TTC7B: variants seen among roughly 807,000 people sequenced by gnomAD.
The protein encoded by TTC7B is tetratricopeptide repeat protein 7B.
In TTC7B, 28 loss-of-function variants were observed where a neutral mutation model predicts 106.8. The ratio of observed to expected loss-of-function variants is 0.26; its 90% CI spans 0.19 to 0.36. TTC7B has a LOEUF of 0.36. Among genes scored for constraint, TTC7B ranks in the 10% least tolerant of loss-of-function variants. TTC7B has a pLI of 1.00. For synonymous variants in TTC7B, 405 were observed against 430.6 expected, an observed-to-expected ratio of 0.94 and a Z score of 0.74; for missense variants, 862 against 1,076.4, an observed-to-expected ratio of 0.80 and a Z score of 2.79.
At chr14:90,602,129 A>G (rs993085631) in intron 17 of TTC7B, 2 of 455,990 alleles carry the variant, frequency 4.4e-6, no homozygotes, top group Non-Finnish European at 8.8e-6. Flanking sequence ...CTAAAGGCTC[A>G]GGTCATTCAA....
rs563752581 is a variant in TTC7B, at chr14:90,600,580, C to T, written c.1967-6954G>A. 7.9e-5 allele frequency among the ~76,000 whole-genome samples: 12 copies of T among 152,308 alleles called. No individual in the cohort carries two copies. Among genetic ancestry groups the T allele is most frequent in the African/African-American group, 2.2e-4 (9 of 41,558 alleles). ...CTGACTTTAACATAATATCAAGCACCGTTTAAACCTGACAGCACACGTCTT... is the reference window on the plus strand; with the variant it reads ...CTGACTTTAACATAATATCAAGCACTGTTTAAACCTGACAGCACACGTCTT... On this transcript the variant is annotated intron_variant, in intron 17 of 19. Coordinates refer to ENST00000328459, the MANE Select transcript of TTC7B (RefSeq NM_001010854.2). This position sits in a 1 kb window ranked among gnomAD's most constrained non-coding sequence, Gnocchi z 4.3.
chr14:90,708,145 C>CAAAAAAA (rs56260414), intron 5 of TTC7B, among the ~76,000 whole-genome samples: 1 of 61,306 alleles, frequency 1.6e-5, no homozygotes, highest in Admixed American at 2.0e-4. Flanking sequence ...GACTCCATCT[C>CAAAAAAA]AAAAAAAAAA....
At chr14:90,618,189 C>A (rs763618443) in intron 15 of TTC7B, 144 bp from the exon 16 acceptor site, 17 of 600,924 alleles carry the variant, frequency 2.8e-5, no homozygotes, top group Non-Finnish European at 5.0e-5. Flanking sequence ...CCAAGGAAAG[C>A]GGGATTCCAG....
intron 11 of TTC7B, among the ~76,000 whole-genome samples, chr14:90,656,716 C>T (rs929336710): frequency 6.6e-6 from 1 of 151,988 alleles, no homozygotes; most frequent in African/African-American, 2.4e-5. Context: ...TGACTCGAGC[C>T]CAAAAGGTTG....
At chr14:90,714,619 G>A (rs558905906) in intron 5 of TTC7B, among the ~76,000 whole-genome samples, 2 of 151,886 alleles carry the variant, frequency 1.3e-5, no homozygotes, top group East Asian at 3.9e-4. Context: ...ACCAAGCCTG[G>A]CTAATTTTTG....
rs1456908437 is a variant in TTC7B, at chr14:90,684,163, G to A, written c.951-3628C>T. 2.0e-5 allele frequency among the ~76,000 whole-genome samples: 3 copies of A among 151,990 alleles called. No homozygotes were observed. The South Asian group carries it at 6.2e-4, about 32-fold the overall frequency. Reference sequence around the variant, plus strand: ...TTTAGACAGTGCCTGGCACTCACTAGCATTCAATGAATCTTTTCATCATCT... The same window carrying A: ...TTTAGACAGTGCCTGGCACTCACTAACATTCAATGAATCTTTTCATCATCT... On this transcript the variant is annotated intron_variant, in intron 7 of 19. Transcript: ENST00000328459.
intron 19 of TTC7B, among the ~76,000 whole-genome samples, chr14:90,555,274 G>T (rs186732951): frequency 1.3e-5 from 2 of 152,278 alleles, no homozygotes; most frequent in Non-Finnish European, 2.9e-5. Context: ...TGAGAGTGAC[G>T]CAGCCGACTT....
At chr14:90,764,358 A>G (rs1402766962) in intron 3 of TTC7B, among the ~76,000 whole-genome samples, 1 of 152,166 alleles carries the variant, frequency 6.6e-6, no homozygotes, top group Non-Finnish European at 1.5e-5. Flanking sequence ...TATAAAACTC[A>G]TAGAAGAAAT....
At position 90,808,253 on chromosome 14, in the gene TTC7B, G is replaced by A. The variant is rs2030714490; in HGVS notation, c.121+7922C>T. 6.6e-6 allele frequency among the ~76,000 whole-genome samples: 1 copy of A among 152,188 alleles called. No individual in the cohort carries two copies. The highest frequency in any genetic ancestry group is 2.4e-5 in the African/African-American group (1 of 41,438). ...TTGAGCCCAGGAGTTCGAGACCAGA[G>A]TGGGCAACATAGGGAAACCCGTCTC... On this transcript the variant is annotated intron_variant, in intron 1 of 19. Coordinates refer to ENST00000328459, the MANE Select transcript of TTC7B (RefSeq NM_001010854.2). This position sits in a 1 kb window ranked among gnomAD's most constrained non-coding sequence, Gnocchi z 4.2.
intron 9 of TTC7B, among the ~76,000 whole-genome samples, chr14:90,669,340 CA>C (rs1230139916): frequency 1.3e-5 from 2 of 152,162 alleles, no homozygotes; most frequent in East Asian, 3.9e-4. Flanking sequence ...GCATAAGCAA[CA>C]AAATAAAAAA....
chr14:90,787,431 G>A (rs761707249), intron 1 of TTC7B, among the ~76,000 whole-genome samples: 1 of 152,146 alleles, frequency 6.6e-6, no homozygotes, highest in Non-Finnish European at 1.5e-5. Flanking sequence ...AGTTTTAAAA[G>A]GTCTGGAAGG....
intron 1 of TTC7B, among the ~76,000 whole-genome samples, chr14:90,813,989 G>A (rs77074201): frequency 1.6e-3 from 248 of 152,236 alleles, no homozygotes; most frequent in Non-Finnish European, 2.6e-3. Context: ...TGGCTTCATC[G>A]TTTTATTTTC....
chr14:90,543,485 T>C (rs1004895672), intron 19 of TTC7B, among the ~76,000 whole-genome samples: 3 of 152,224 alleles, frequency 2.0e-5, no homozygotes, highest in African/African-American at 7.2e-5. Flanking sequence ...ATCAAACTTC[T>C]GCATCAGCAC....
intron 3 of TTC7B, among the ~76,000 whole-genome samples, chr14:90,750,077 T>C (rs1890092857): frequency 6.6e-6 from 1 of 152,198 alleles, no homozygotes; most frequent in South Asian, 2.1e-4. Context: ...GAAGAGAATA[T>C]AAATAAAATG....
intron 12 of TTC7B, among the ~76,000 whole-genome samples, chr14:90,654,347 T>C (rs1311463477): frequency 6.6e-6 from 1 of 152,184 alleles, no homozygotes; most frequent in Non-Finnish European, 1.5e-5. Flanking sequence ...AACAACATGA[T>C]AAAAGAATAG....
intron 1 of TTC7B, among the ~76,000 whole-genome samples, chr14:90,788,264 G>A (rs1004177610): frequency 6.6e-6 from 1 of 152,184 alleles, no homozygotes; most frequent in Non-Finnish European, 1.5e-5. Flanking sequence ...TGCGACTCCA[G>A]TGCGTGGGGC....
chr14:90,587,000 G>A (rs142034035), intron 18 of TTC7B, among the ~76,000 whole-genome samples: 92 of 152,238 alleles, frequency 6.0e-4, no homozygotes, highest in African/African-American at 2.2e-3. Flanking sequence ...GCCTCAGAAG[G>A]CATCTCAGGG....
intron 17 of TTC7B, chr14:90,602,240 G>A (rs1196564890): frequency 2.2e-6 from 1 of 456,008 alleles, no homozygotes; most frequent in Non-Finnish European, 4.4e-6. Context: ...TGGGAACACT[G>A]GGTCAAAGTG....
intron 3 of TTC7B, among the ~76,000 whole-genome samples, chr14:90,745,872 T>C (rs1297801970): frequency 6.9e-6 from 1 of 145,640 alleles, no homozygotes; most frequent in East Asian, 2.0e-4. Context: ...ACCTGGCCAA[T>C]TTTTTTTTTT....
Sources: gnomAD v4.1 joint callset for allele counts (sites outside exome capture counted in the v4.1 genomes callset) on GRCh38, gnomAD v4.1.1 for gene constraint, Gnocchi (gnomAD v3.1) non-coding constraint, MANE v1.5 for transcripts, NCBI Gene and HGNC (gene_info 2026-07-23, HGNC 2026-07-21) for gene names.